RSRP1: variants seen among roughly 807,000 people sequenced by gnomAD.
RSRP1 encodes the protein arginine/serine-rich protein 1.
RSRP1 carries 37 observed loss-of-function variants against 33.0 expected under a neutral mutation model. That is an observed-to-expected ratio of 1.12 (90% CI 0.86 to 1.48). RSRP1 has a LOEUF of 1.48. Ranked by LOEUF, RSRP1 falls within the 40% of genes most tolerant of loss-of-function variation. RSRP1 has a pLI of 0.00. For synonymous variants in RSRP1, 167 were observed against 158.7 expected, an observed-to-expected ratio of 1.05 and a Z score of -0.40; for missense variants, 402 against 385.3, an observed-to-expected ratio of 1.04 and a Z score of -0.36.
intron 3 of RSRP1, chr1:25,244,824 C>A: frequency 1.1e-6 from 1 of 945,576 alleles, no homozygotes; most frequent in Non-Finnish European, 1.4e-6. Context: ...GCTGGGACTA[C>A]AGGCATGCAC....
chr1:25,276,524 C>A (rs1402290234), intron 1 of RSRP1, among the ~76,000 whole-genome samples: 3 of 56,946 alleles, frequency 5.3e-5, no homozygotes, highest in African/African-American at 2.2e-4. Context: ...GAGACCCCCC[C>A]CCATCTCTAA....
intron 1 of RSRP1, among the ~76,000 whole-genome samples, chr1:25,260,325 A>T (rs1489240040): frequency 2.0e-5 from 3 of 152,260 alleles, no homozygotes; most frequent in Non-Finnish European, 4.4e-5. Context: ...ATGTAGTTAC[A>T]TACAGAAAAT....
intron 1 of RSRP1, among the ~76,000 whole-genome samples, chr1:25,332,691 G>C (rs1202598251): frequency 7.5e-6 from 1 of 132,526 alleles, no homozygotes; most frequent in African/African-American, 2.6e-5. Context: ...CTGTCCCCAT[G>C]AAACTTGTAT....
chr1:25,335,931 A>G, intron 1 of RSRP1: 1 of 18,720 alleles, frequency 5.3e-5, no homozygotes, highest in Non-Finnish European at 1.3e-4. Context: ...AGTAGTTGGG[A>G]TTACAGGTGT....
intron 1 of RSRP1, 53 bp from the exon 2 acceptor site, chr1:25,247,082 C>T: frequency 1.8e-6 from 2 of 1,135,180 alleles, no homozygotes; most frequent in Non-Finnish European, 2.4e-6. Context: ...CGGCGCCTGG[C>T]CACCCGGAAG....
chr1:25,244,577 G>A, intron 3 of RSRP1: 2 of 1,286,044 alleles, frequency 1.6e-6, no homozygotes, highest in South Asian at 2.5e-5. Context: ...TGCTGCAAAT[G>A]AAAGCTACAA....
rs1255099178 is a variant in RSRP1, at chr1:25,296,397, A to G, written c.-67+41581T>C. On this transcript the variant is annotated intron_variant, in intron 1 of 1. Coordinates refer to the RSRP1 transcript ENST00000561867. ...GAGTAGCTGGGATTAGGGGCATGCC[A>G]CCATGCCCAGTTAATTTTTGTATTT... 3.3e-5 allele frequency among the ~76,000 whole-genome samples: 4 copies of G among 121,470 alleles called. No individual in the cohort carries two copies. In the East Asian group the frequency reaches 8.1e-4, roughly 24 times the overall value. 79.7% of individuals were successfully genotyped at this position (121,470 alleles called of 152,430 possible).
rs1380778460 is a variant in RSRP1 at position 25,266,165 on chromosome 1, A to G, written c.-66-19136T>C. On this transcript the variant is annotated intron_variant, in intron 1 of 1. Transcript: ENST00000561867. ...AAAGACAAACATTCATTAAGTCCCA[A>G]AAAGGTAAAGAATGACAAATTAAGC... is the stretch of plus-strand genomic sequence containing the variant. 13 of 132,876 alleles carry G rather than the reference A, an allele frequency of 9.8e-5. 5 individuals are homozygous for G. Among genetic ancestry groups the G allele is most frequent in the Non-Finnish European group, 2.2e-4 (12 of 55,748 alleles). The allele number at this position is 132,876 out of a possible 1,614,324, so 8.2% of individuals were successfully genotyped here.
intron 1 of RSRP1, among the ~76,000 whole-genome samples, chr1:25,307,183 T>C (rs1487057763): frequency 7.6e-6 from 1 of 132,414 alleles, no homozygotes; most frequent in East Asian, 1.9e-4. Context: ...GGGATGCTAC[T>C]GGATTTAATA....
Position 25,246,523 on chromosome 1 carries a change from G to A in RSRP1, c.441C>T (p.Tyr147=), listed in dbSNP as rs1571516467. The A allele has an allele frequency of 6.2e-7, 1 of 1,614,214 alleles. No homozygotes were observed. The highest frequency in any genetic ancestry group is 2.2e-5 in the East Asian group (1 of 44,894). The part of the protein sequence containing the change: ...QRYYGFGRTV[Y]PEEHSRWRDR... ...CCCTCCATCTGCTGTGCTCCTCCGG[G>A]TACACTGTGCGACCAAAGCCGTAGT... is the stretch of plus-strand genomic sequence containing the variant. Residue 147 remains tyrosine, a synonymous_variant, in exon 2 of 5, where the codon TAC becomes TAT. Coordinates refer to ENST00000243189, the MANE Select transcript of RSRP1 (RefSeq NM_020317.5).
rs1162056742 is a variant in RSRP1, at chr1:25,280,368, C to T, written c.-66-33339G>A. 7.3e-5 allele frequency among the ~76,000 whole-genome samples: 9 copies of T among 122,532 alleles called. 2 individuals carry two copies. The highest frequency in any genetic ancestry group is 1.4e-4 in the African/African-American group (5 of 35,576). The allele number at this position is 122,532 out of a possible 152,430, so 80.4% of individuals were successfully genotyped here. On this transcript the variant is annotated intron_variant, in intron 1 of 1. Coordinates refer to the RSRP1 transcript ENST00000561867. The stretch of plus-strand genomic sequence containing the variant: ...TCATCCAGGCTGGAGTACAGTGGTG[C>T]GATCTCGGCTCACTGCAACCTCAGC...
At position 25,272,706 on chromosome 1, in the gene RSRP1, A is replaced by T. The variant is rs774209147; in HGVS notation, c.-66-25677T>A. ...TGGCATCCTATCAAGGTGAGAGTTC[A>T]TTGGAAAAGTGGTCACAGGAGCAAA... On this transcript the variant is annotated intron_variant, in intron 1 of 1. Coordinates refer to the RSRP1 transcript ENST00000561867. 1.0e-5 allele frequency: 14 copies of T among 1,385,692 alleles called. 3 individuals carry two copies. Among genetic ancestry groups the T allele is most frequent in the Non-Finnish European group, 1.4e-5 (14 of 982,962 alleles). 85.8% of individuals were successfully genotyped at this position (1,385,692 alleles called of 1,614,324 possible). A position where few individuals can be genotyped will look rare whatever the true frequency, so the allele number is the denominator to read the frequency against.
upstream of RSRP1, among the ~76,000 whole-genome samples, chr1:25,251,170 T>C (rs529319212): frequency 6.6e-6 from 1 of 152,108 alleles, no homozygotes; most frequent in African/African-American, 2.4e-5. Flanking sequence ...AACACATGGA[T>C]GAGCTAGTGT....
In RSRP1 at chr1:25,315,090, G is replaced by A. The variant is rs377048563; in HGVS notation, c.-67+22888C>T. Among the ~76,000 whole-genome samples, 27 of 128,404 alleles carry A rather than the reference G, an allele frequency of 2.1e-4. 3 individuals are homozygous for A. The South Asian group carries it at 6.0e-3, about 29-fold the overall frequency. The allele number at this position is 128,404 out of a possible 152,430, so 84.2% of individuals were successfully genotyped here. A position where few individuals can be genotyped will look rare whatever the true frequency, so the allele number is the denominator to read the frequency against. On this transcript the variant is annotated intron_variant, in intron 1 of 1. Transcript: ENST00000561867. The stretch of plus-strand genomic sequence containing the variant: ...GTTGTGGCTCTTGCCTGTAGTCTCA[G>A]CTACTCGGGAGGCTGAGATCACGCC...
chr1:25,259,843 A>C (rs1640073801), intron 1 of RSRP1, among the ~76,000 whole-genome samples: 1 of 152,104 alleles, frequency 6.6e-6, no homozygotes, highest in South Asian at 2.1e-4. Flanking sequence ...GTTTTGAAGA[A>C]TTAACAGCTT....
At chr1:25,286,070 G>C (rs1371576436) in intron 1 of RSRP1, among the ~76,000 whole-genome samples, 2 of 135,506 alleles carry the variant, frequency 1.5e-5, no homozygotes, top group Admixed American at 1.4e-4. Flanking sequence ...CTAAGTGGTG[G>C]AGATGGCTCC....
upstream of RSRP1, chr1:25,338,204 G>C (rs1461527325): frequency 6.6e-6 from 1 of 152,176 alleles, no homozygotes; most frequent in East Asian, 1.9e-4. Flanking sequence ...AACCCAGAGC[G>C]GCGGAAAGCC....
rs1385364008 is a variant in RSRP1 at position 25,286,568 on chromosome 1, T to C, written c.-66-39539A>G. Among the ~76,000 whole-genome samples the C allele has an allele frequency of 5.2e-5, 7 of 133,946 alleles. 2 individuals carry two copies. The highest frequency in any genetic ancestry group is 7.2e-5 in the Admixed American group (1 of 13,938). 87.9% of individuals were successfully genotyped at this position (133,946 alleles called of 152,430 possible). A position where few individuals can be genotyped will look rare whatever the true frequency, so the allele number is the denominator to read the frequency against. The stretch of plus-strand genomic sequence containing the variant: ...TTGGGAGGCCAAGGCGGGGGGATCA[T>C]GAGGTCAGGAGATCGAGACCATCCT... On this transcript the variant is annotated intron_variant, in intron 1 of 1. Transcript: ENST00000561867.
chr1:25,288,340 C>A lies in RSRP1; in HGVS notation c.-66-41311G>T, dbSNP rs1227159502. Among the ~76,000 whole-genome samples the A allele has an allele frequency of 7.9e-5, 9 of 113,494 alleles. 2 individuals are homozygous for A. Among genetic ancestry groups the A allele is most frequent in the Admixed American group, 2.6e-4 (3 of 11,602 alleles). 74.5% of individuals were successfully genotyped at this position (113,494 alleles called of 152,430 possible). A position where few individuals can be genotyped will look rare whatever the true frequency, so the allele number is the denominator to read the frequency against. On this transcript the variant is annotated intron_variant, in intron 1 of 1. Coordinates refer to the RSRP1 transcript ENST00000561867. ...CACAGGCACACACCACCACACCTAG[C>A]TTTTTTTTTTTTTGCTTTTTGTAGA... is the stretch of plus-strand genomic sequence containing the variant.
Sources: allele counts gnomAD v4.1 joint callset (sites outside exome capture counted in the v4.1 genomes callset), GRCh38; gene constraint gnomAD v4.1.1; transcripts MANE v1.5; gene names NCBI Gene and HGNC (gene_info 2026-07-23, HGNC 2026-07-21).